Variants in TRPS1 observed in about 807,000 individuals in gnomAD.
The protein encoded by TRPS1 is transcriptional repressor GATA binding 1.
A neutral mutation model predicts 101.2 loss-of-function variants in TRPS1; 6 were observed. That is an observed-to-expected ratio of 0.06 (90% confidence interval 0.03 to 0.12). The LOEUF is 0.12. Among genes scored for constraint, TRPS1 ranks in the 10% least tolerant of loss-of-function variants. The probability of loss-of-function intolerance (pLI) is 1.00; values close to 1 mark genes in which losing one functional copy is unlikely to be tolerated. For missense variants in TRPS1, 1,363 were observed against 1,567.0 expected, an observed-to-expected ratio of 0.87 and a Z score of 2.20; for synonymous variants, 578 against 589.8, an observed-to-expected ratio of 0.98 and a Z score of 0.29.
In TRPS1 at chr8:115,619,858, T is replaced by C; in HGVS notation, c.240A>G (p.Pro80=). The C allele has an allele frequency of 6.2e-7, 1 of 1,614,240 alleles. No homozygotes were observed. Among genetic ancestry groups the C allele is most frequent in the Non-Finnish European group, 8.5e-7 (1 of 1,180,048 alleles). The change falls in exon 3 of 7, where the codon CCA becomes CCG. Residue 80 remains proline, a synonymous_variant. Transcript: ENST00000395715. Reference sequence around the variant, plus strand: ...TCAAGTCCTTCTTACTGCTAGAAGATGGATCTTGAACATGCAAGCTATGTT... The same window carrying C: ...TCAAGTCCTTCTTACTGCTAGAAGACGGATCTTGAACATGCAAGCTATGTT... ...KEEHSLHVQD[P]SSSSKKDLKS...
intron 5 of TRPS1, among the ~76,000 whole-genome samples, chr8:115,467,608 G>A (rs931890207): frequency 5.3e-5 from 8 of 152,106 alleles, no homozygotes; most frequent in Non-Finnish European, 1.2e-4. Flanking sequence ...GGATAGGCTA[G>A]AAGGATAGCA....
intron 5 of TRPS1, among the ~76,000 whole-genome samples, chr8:115,528,779 A>G: frequency 6.6e-6 from 1 of 152,212 alleles, no homozygotes; most frequent in East Asian, 1.9e-4. Flanking sequence ...ATAAAGATAT[A>G]TATATGTATA....
chr8:115,653,480 C>A (rs907168935), intron 1 of TRPS1, among the ~76,000 whole-genome samples: 1 of 151,970 alleles, frequency 6.6e-6, no homozygotes, highest in African/African-American at 2.4e-5. Context: ...AGTTCCTTAA[C>A]CCATCTTAAA....
intron 1 of TRPS1, among the ~76,000 whole-genome samples, chr8:115,638,967 A>G (rs939182565): frequency 3.3e-5 from 5 of 152,166 alleles, no homozygotes; most frequent in East Asian, 1.9e-4. Flanking sequence ...GGTAGCACAC[A>G]AAGTGGCCAC....
chr8:115,465,059 AATT>A (rs1207365333), intron 5 of TRPS1, among the ~76,000 whole-genome samples: 3 of 152,062 alleles, frequency 2.0e-5, no homozygotes, highest in African/African-American at 7.2e-5. Context: ...AGCTATGTGT[AATT>A]ATTCTCTCCC....
At chr8:115,471,427 C>T (rs905361258) in intron 5 of TRPS1, among the ~76,000 whole-genome samples, 4 of 152,134 alleles carry the variant, frequency 2.6e-5, no homozygotes, top group African/African-American at 7.2e-5. Flanking sequence ...GGGTAACCGC[C>T]CCCATGATTC....
intron 1 of TRPS1, chr8:115,661,821 C>A (rs1465625495): frequency 6.7e-6 from 1 of 149,446 alleles, no homozygotes; most frequent in Non-Finnish European, 1.5e-5. Context: ...TACCAGTAAA[C>A]AATCTGCGAT....
chr8:115,520,425 C>A (rs181324100), intron 5 of TRPS1, among the ~76,000 whole-genome samples: 3 of 151,852 alleles, frequency 2.0e-5, no homozygotes, highest in Non-Finnish European at 4.4e-5. Flanking sequence ...AGCCATTTAA[C>A]CTGTTGGGAG....
chr8:115,479,010 C>T (rs1368750004), intron 5 of TRPS1, among the ~76,000 whole-genome samples: 1 of 150,396 alleles, frequency 6.6e-6, no homozygotes, highest in Non-Finnish European at 1.5e-5. Context: ...TATTATTCAG[C>T]TAACTTAATA....
chr8:115,510,541 C>G (rs1048994540), intron 5 of TRPS1, among the ~76,000 whole-genome samples: 1 of 152,040 alleles, frequency 6.6e-6, no homozygotes. Context: ...AAAAGAACAT[C>G]GAACTTCTAA....
At chr8:115,658,509 A>G (rs1228776501) in intron 1 of TRPS1, among the ~76,000 whole-genome samples, 2 of 151,728 alleles carry the variant, frequency 1.3e-5, no homozygotes, top group Non-Finnish European at 2.9e-5. Context: ...TAAAGAAGGA[A>G]CTGAAAATGG....
intron 5 of TRPS1, among the ~76,000 whole-genome samples, chr8:115,455,252 T>A (rs1226423697): frequency 1.3e-5 from 2 of 152,190 alleles, no homozygotes; most frequent in Non-Finnish European, 2.9e-5. Flanking sequence ...TAATTTCACA[T>A]GAGATGTGTA....
chr8:115,500,871 C>T (rs1428031747), intron 5 of TRPS1, among the ~76,000 whole-genome samples: 4 of 152,178 alleles, frequency 2.6e-5, no homozygotes, highest in Admixed American at 2.6e-4. Flanking sequence ...CCGCGCCCGA[C>T]CTGAACTTGG....
chr8:115,580,541 C>G (rs906708477), intron 5 of TRPS1, among the ~76,000 whole-genome samples: 1 of 151,942 alleles, frequency 6.6e-6, no homozygotes, highest in African/African-American at 2.4e-5. Flanking sequence ...TTTTGGGGGC[C>G]CTGTTATGTC....
At chr8:115,475,629 C>A (rs1814585578) in intron 5 of TRPS1, among the ~76,000 whole-genome samples, 1 of 147,566 alleles carries the variant, frequency 6.8e-6, no homozygotes, top group African/African-American at 2.7e-5. Context: ...AATAATTATA[C>A]TAAATAGTAA....
chr8:115,556,663 T>A (rs1347124066), intron 5 of TRPS1, among the ~76,000 whole-genome samples: 2 of 152,174 alleles, frequency 1.3e-5, no homozygotes, highest in Admixed American at 6.6e-5. Context: ...CTGCTATATA[T>A]TCCTAGTATT....
intron 5 of TRPS1, among the ~76,000 whole-genome samples, chr8:115,486,958 G>A (rs809623): frequency 0.68 from 103,103 of 152,054 alleles, 36,424 homozygotes; most frequent in African/African-American, 0.87. Context: ...AGATAAGACA[G>A]TTTTCTACTG....
rs145900709 is a variant in TRPS1 at position 115,443,413 on chromosome 8, G to C, written c.2701-24961C>G. Among the ~76,000 whole-genome samples the C allele has an allele frequency of 6.6e-3, 1,010 of 152,282 alleles. 12 individuals are homozygous for C. Among genetic ancestry groups the C allele is most frequent in the African/African-American group, 0.022 (930 of 41,532 alleles). ...TGCCTGTGACTGCCTCCTTTAGAAG[G>C]TGTATTCCTCACTCCACAAACCTCT... is the stretch of plus-strand genomic sequence containing the variant. On this transcript the variant is annotated intron_variant, in intron 5 of 6. Transcript: ENST00000395715.
At chr8:115,664,862 G>C (rs988788847) in intron 1 of TRPS1, among the ~76,000 whole-genome samples, 3 of 152,160 alleles carry the variant, frequency 2.0e-5, no homozygotes, top group African/African-American at 4.8e-5. Flanking sequence ...CAAATACCAA[G>C]TGGAAAGTTG....
Sources: allele counts gnomAD v4.1 joint callset (sites outside exome capture counted in the v4.1 genomes callset), GRCh38; gene constraint gnomAD v4.1.1; transcripts MANE v1.5; gene names NCBI Gene and HGNC (gene_info 2026-07-23, HGNC 2026-07-21).